The following PLAC9 variants were observed in gnomAD, a reference collection of about 807,000 sequenced individuals.
The protein encoded by PLAC9 is placenta associated 9.
Under a neutral mutation model 11.5 loss-of-function variants are expected in PLAC9, and 12 were observed. The ratio of observed to expected loss-of-function variants is 1.05; its 90% CI spans 0.67 to 1.69. The LOEUF (loss-of-function observed/expected upper bound fraction) is 1.69, where lower values mean the gene tolerates loss of function less well. Ranked by LOEUF, PLAC9 falls within the 40% of genes most tolerant of loss-of-function variation. PLAC9 has a pLI of 0.00. For synonymous variants in PLAC9, 62 were observed against 58.1 expected, an observed-to-expected ratio of 1.07 and a Z score of -0.31; for missense variants, 132 against 130.5, an observed-to-expected ratio of 1.01 and a Z score of -0.06.
At chr10:80,132,701 G>A (rs1844925919), upstream of PLAC9, 1 of 1,358,556 alleles carries the variant, frequency 7.4e-7, no homozygotes, top group Non-Finnish European at 9.6e-7. Context: ...GGGCCGGCCG[G>A]GTGCGATCCG....
At chr10:80,139,536 C>T (rs995420288) in intron 1 of PLAC9, among the ~76,000 whole-genome samples, 2 of 152,178 alleles carry the variant, frequency 1.3e-5, no homozygotes, top group African/African-American at 2.4e-5. Context: ...GGGGAGGACT[C>T]GTGCTTCCAG....
chr10:80,132,635 C>G (rs1291765839), upstream of PLAC9: 1 of 723,392 alleles, frequency 1.4e-6, no homozygotes, highest in Non-Finnish European at 2.0e-6. Context: ...TTCTCTCGAG[C>G]CAGAAAGTCC....
chr10:80,142,180 G>GT lies in PLAC9; in HGVS notation c.162+2dup. On this transcript the variant is annotated splice_donor_variant, in intron 2 of 3. Coordinates refer to ENST00000372263, the MANE Select transcript of PLAC9 (RefSeq NM_001012973.3). LOFTEE classifies it high-confidence loss of function. ...ACGCCGTCTAGATGTCATGGAGGAG[G>GT]TAACAGGGTGGTTTGGAAGGACATG... 1 of 1,601,858 alleles carries GT rather than the reference G, an allele frequency of 6.2e-7. No homozygotes were observed. Among genetic ancestry groups the GT allele is most frequent in the Non-Finnish European group, 8.5e-7 (1 of 1,170,448 alleles).
intron 2 of PLAC9, among the ~76,000 whole-genome samples, chr10:80,142,843 C>T (rs1450589350): frequency 1.3e-5 from 2 of 152,074 alleles, no homozygotes; most frequent in Non-Finnish European, 1.5e-5. Context: ...CTCAGTCTCC[C>T]AAGTAGCTGA....
At chr10:80,132,513 GGGCGGCCCCTTCCTCGGGA>G (rs1207022345), upstream of PLAC9, 1 of 431,116 alleles carries the variant, frequency 2.3e-6, no homozygotes, top group African/African-American at 2.1e-5. Context: ...GGGACTCGGG[GGGCGGCCCCTTCCTCGGGA>G]GGCGCCCAGG....
At chr10:80,143,385 T>C (rs1362441451) in intron 2 of PLAC9, among the ~76,000 whole-genome samples, 4 of 112,656 alleles carry the variant, frequency 3.6e-5, no homozygotes, top group Non-Finnish European at 6.9e-5. Flanking sequence ...TTTTAAATAC[T>C]TGAATTTTTT....
chr10:80,144,783 C>A, intron 3 of PLAC9, 117 bp from the exon 4 acceptor site: 1 of 1,056,880 alleles, frequency 9.5e-7, no homozygotes, highest in Non-Finnish European at 1.3e-6. Flanking sequence ...TCCTTGTGTC[C>A]CGCGCGCAGT....
At chr10:80,132,991 C>G (rs956382214) in intron 1 of PLAC9, among the ~76,000 whole-genome samples, 165 bp downstream of exon 1, 13 of 152,008 alleles carry the variant, frequency 8.6e-5, no homozygotes, top group African/African-American at 2.2e-4. Context: ...TGAGAGGAAA[C>G]AGACTCAGAA....
At chr10:80,142,833 C>T (rs1845056495) in intron 2 of PLAC9, among the ~76,000 whole-genome samples, 1 of 152,040 alleles carries the variant, frequency 6.6e-6, no homozygotes, top group Admixed American at 6.6e-5. Context: ...ATCCTCCCAC[C>T]TCAGTCTCCC....
At chr10:80,135,364 C>T (rs867655179) in intron 1 of PLAC9, among the ~76,000 whole-genome samples, 2 of 105,456 alleles carry the variant, frequency 1.9e-5, no homozygotes, top group Non-Finnish European at 3.6e-5. Flanking sequence ...CTTGTTTTGT[C>T]ATCCAGGCTG....
chr10:80,132,090 A>G (rs1300760047), upstream of PLAC9, among the ~76,000 whole-genome samples: 3 of 152,248 alleles, frequency 2.0e-5, no homozygotes, highest in African/African-American at 7.2e-5. Context: ...TCCCCTCATT[A>G]ATAATGAATT....
At chr10:80,144,377 G>T (rs1845076820) in intron 3 of PLAC9, 34 bp downstream of exon 3, 1 of 1,554,330 alleles carries the variant, frequency 6.4e-7, no homozygotes, top group East Asian at 2.4e-5. Context: ...ACAGCCTCTG[G>T]GCGGCTGTCA....
chr10:80,132,243 A>G (rs1844920688), upstream of PLAC9, among the ~76,000 whole-genome samples: 1 of 152,192 alleles, frequency 6.6e-6, no homozygotes, highest in Non-Finnish European at 1.5e-5. Context: ...AGGGGCAGAC[A>G]CTGTTCCATG....
chr10:80,135,329 T>A (rs1844963126), intron 1 of PLAC9, among the ~76,000 whole-genome samples: 1 of 119,976 alleles, frequency 8.3e-6, no homozygotes, highest in South Asian at 3.7e-4. Flanking sequence ...GCCTTTTTTT[T>A]TTTTTTTTTT....
chr10:80,137,227 T>C (rs544328944), intron 1 of PLAC9, among the ~76,000 whole-genome samples: 4 of 152,296 alleles, frequency 2.6e-5, no homozygotes, highest in African/African-American at 9.6e-5. Flanking sequence ...AGCCCAGCCT[T>C]TTCCCTGGAG....
intron 1 of PLAC9, among the ~76,000 whole-genome samples, chr10:80,140,657 C>T (rs963845282): frequency 2.6e-5 from 4 of 152,166 alleles, no homozygotes; most frequent in African/African-American, 9.7e-5. Flanking sequence ...GAGACTTCTG[C>T]TCTGAGGGTT....
chr10:80,144,841 G>A (rs1845083541), intron 3 of PLAC9, 59 bp from the exon 4 acceptor site: 17 of 1,510,892 alleles, frequency 1.1e-5, no homozygotes, highest in Non-Finnish European at 1.5e-5. Context: ...TGGGCACCAC[G>A]GGGGCAGGTA....
At chr10:80,139,197 C>A (rs1191033251) in intron 1 of PLAC9, among the ~76,000 whole-genome samples, 5 of 152,094 alleles carry the variant, frequency 3.3e-5, no homozygotes, top group Non-Finnish European at 7.4e-5. Context: ...CATGATCTGC[C>A]CGCCTCGGCC....
intron 2 of PLAC9, among the ~76,000 whole-genome samples, chr10:80,143,415 T>TTTTTTTG (rs71034289): frequency 5.7e-5 from 4 of 70,214 alleles, no homozygotes; most frequent in African/African-American, 1.5e-4. Context: ...TTTTTTTTTT[T>TTTTTTTG]GAGGCAGAGT....
Sources: gnomAD v4.1 joint callset for allele counts (sites outside exome capture counted in the v4.1 genomes callset) on GRCh38, gnomAD v4.1.1 for gene constraint, MANE v1.5 for transcripts, NCBI Gene and HGNC (gene_info 2026-07-23, HGNC 2026-07-21) for gene names.